The following CTNNA2 variants were observed in gnomAD, a reference collection of about 807,000 sequenced individuals.
The protein encoded by CTNNA2 is catenin alpha-2.
Under a neutral mutation model 101.0 loss-of-function variants are expected in CTNNA2, and 42 were observed. The observed-to-expected ratio is 0.42, with a 90% CI of 0.32 to 0.54. CTNNA2 has a LOEUF of 0.54. Among genes scored for constraint, CTNNA2 ranks in the 20% least tolerant of loss-of-function variants. CTNNA2 has a pLI of 0.14. For synonymous variants in CTNNA2, 450 were observed against 456.4 expected (o/e 0.99, Z 0.18); for missense variants, 871 against 1,223.1 (o/e 0.71, Z 4.29).
At chr2:79,468,081 A>G (rs1013199178) in intron 4 of CTNNA2, among the ~76,000 whole-genome samples, 1 of 152,170 alleles carries the variant, frequency 6.6e-6, no homozygotes, top group Non-Finnish European at 1.5e-5. Flanking sequence ...GACACAGACT[A>G]GCAAATTAGA....
At chr2:80,147,294 G>A (rs561727694) in intron 7 of CTNNA2, among the ~76,000 whole-genome samples, 1 of 151,986 alleles carries the variant, frequency 6.6e-6, no homozygotes, top group African/African-American at 2.4e-5. Context: ...TACAGTTGGG[G>A]TTTCACCATG....
At chr2:79,364,810 G>T (rs1465909657) in intron 3 of CTNNA2, among the ~76,000 whole-genome samples, 1 of 152,170 alleles carries the variant, frequency 6.6e-6, no homozygotes, top group Non-Finnish European at 1.5e-5. Context: ...GGGGTAAGGG[G>T]TAATTGTTTA....
chr2:80,419,597 T>C lies in CTNNA2; in HGVS notation c.1286T>C (p.Val429Ala). ...QVFREHANKL[V>A]EVANLACSIS... is the part of the protein sequence containing the mutation. ...TTCCGTGAGCATGCCAACAAACTGGTAGAGGTAAGTGTGGAGGGGCCTGAA... is the reference window on the plus strand; with the variant it reads ...TTCCGTGAGCATGCCAACAAACTGGCAGAGGTAAGTGTGGAGGGGCCTGAA... Residue 429 changes from valine to alanine, a missense_variant, in exon 9 of 19, where the codon GTA (valine) becomes GCA (alanine). Transcript: ENST00000402739. The C allele has an allele frequency of 6.2e-7, 1 of 1,613,440 alleles. No homozygotes were observed. Among genetic ancestry groups the C allele is most frequent in the Non-Finnish European group, 8.5e-7 (1 of 1,179,636 alleles).
At chr2:79,662,079 A>C (rs1490479545) in intron 2 of CTNNA2, among the ~76,000 whole-genome samples, 1 of 151,608 alleles carries the variant, frequency 6.6e-6, no homozygotes, top group Non-Finnish European at 1.5e-5. Flanking sequence ...AACAAGCAGA[A>C]GATGGAACAG....
chr2:79,329,013 T>C (rs936945947), intron 3 of CTNNA2, among the ~76,000 whole-genome samples: 4 of 152,184 alleles, frequency 2.6e-5, no homozygotes, highest in African/African-American at 9.7e-5. Context: ...GTCCAAACTT[T>C]CTCTACTTAT....
chr2:79,661,016 ACT>A (rs1681997766), intron 2 of CTNNA2, among the ~76,000 whole-genome samples: 1 of 152,170 alleles, frequency 6.6e-6, no homozygotes, highest in Non-Finnish European at 1.5e-5. Context: ...AAATTAAATC[ACT>A]GTGTATGATG....
intron 2 of CTNNA2, among the ~76,000 whole-genome samples, chr2:79,679,203 T>C (rs1235556477): frequency 6.6e-6 from 1 of 152,232 alleles, no homozygotes; most frequent in East Asian, 1.9e-4. Context: ...ATCTAAAATA[T>C]AGTTTAACTT....
intron 7 of CTNNA2, among the ~76,000 whole-genome samples, chr2:80,201,446 T>C (rs1707206080): frequency 7.1e-6 from 1 of 141,184 alleles, no homozygotes; most frequent in Non-Finnish European, 1.5e-5. Context: ...CAAACTCGGC[T>C]CACTGCAAGC....
intron 8 of CTNNA2, among the ~76,000 whole-genome samples, chr2:80,414,294 C>T (rs1161152247): frequency 6.6e-6 from 1 of 152,214 alleles, no homozygotes; most frequent in African/African-American, 2.4e-5. Context: ...AGCATTGTAG[C>T]ATACTTGCCA....
chr2:79,957,043 A>C (rs1185053298), intron 7 of CTNNA2, among the ~76,000 whole-genome samples: 2 of 151,998 alleles, frequency 1.3e-5, no homozygotes, highest in East Asian at 3.9e-4. Context: ...ACATCCCCAG[A>C]TCCTCTTCTG....
chr2:79,338,578 ATCTTCTTCTTCTTCTTCTTCTTCT>A (rs70940029), intron 3 of CTNNA2, among the ~76,000 whole-genome samples: 3 of 117,740 alleles, frequency 2.5e-5, no homozygotes, highest in African/African-American at 6.7e-5. Context: ...CCTCCTCATC[ATCTTCTTCTTCTTCTTCTTCTTCT>A]TCTTCTTCTT....
intron 2 of CTNNA2, among the ~76,000 whole-genome samples, chr2:79,716,057 T>C (rs1573769997): frequency 6.6e-6 from 1 of 151,806 alleles, no homozygotes; most frequent in South Asian, 2.1e-4. Flanking sequence ...GACAATATCT[T>C]CCCCCTGTTA....
intron 7 of CTNNA2, among the ~76,000 whole-genome samples, chr2:80,004,815 G>A (rs1693218047): frequency 6.6e-6 from 1 of 151,890 alleles, no homozygotes; most frequent in African/African-American, 2.4e-5. Flanking sequence ...CAATTCTCCT[G>A]CTTCAGCCTC....
rs772936089 is a variant in CTNNA2 at position 80,555,824 on chromosome 2, A to G, written c.1672A>G (p.Met558Val). 1 of 1,595,726 alleles carries G rather than the reference A, an allele frequency of 6.3e-7. No homozygotes were observed. The highest frequency in any genetic ancestry group is 1.2e-5 in the South Asian group (1 of 86,210). ...ARVIHIINAE[M>V]ENYEAGVYTE... ...AGTCATACACATCATCAATGCTGAG[A>G]TGGAGAACTATGAAGCTGGGGTTTA... Residue 558 changes from methionine (M) to valine (V), a missense_variant, in exon 12 of 19, where the codon ATG (methionine) becomes GTG (valine). By Grantham distance (21) the Met-to-Val change is conservative (BLOSUM62 1). Around this residue, in one of 5 missense-constraint regions of CTNNA2, gnomAD observed 647 missense variants for 831.5 expected, o/e 0.78. Transcript: ENST00000402739.
intron 4 of CTNNA2, among the ~76,000 whole-genome samples, chr2:79,471,770 G>A (rs569327650): frequency 5.9e-5 from 9 of 152,136 alleles, no homozygotes; most frequent in South Asian, 4.1e-4. Flanking sequence ...CCCAGGAGGC[G>A]GAGCTTGCAG....
chr2:79,418,626 C>T (rs182949887), intron 4 of CTNNA2, among the ~76,000 whole-genome samples: 34 of 152,236 alleles, frequency 2.2e-4, no homozygotes, highest in Admixed American at 2.2e-3. Flanking sequence ...CTTAGACTCT[C>T]AGCATCAGTA....
At chr2:79,248,570 G>T (rs1674727714) in intron 2 of CTNNA2, among the ~76,000 whole-genome samples, 1 of 152,098 alleles carries the variant, frequency 6.6e-6, no homozygotes, top group Admixed American at 6.6e-5. Flanking sequence ...CCTAGAAGAG[G>T]TTTGGTAGTG....
Position 79,874,246 on chromosome 2 carries a change from C to T in CTNNA2, c.756C>T (p.Ala252=), listed in dbSNP as rs76801084. 19,882 of 1,614,086 alleles carry T rather than the reference C, an allele frequency of 0.012. 959 individuals are homozygous for T. In the East Asian group the frequency reaches 0.18, roughly 15 times the overall value. The change falls in exon 6 of 19, where the codon GCC becomes GCT. Residue 252 remains alanine, a synonymous_variant. Coordinates refer to ENST00000402739, the MANE Select transcript of CTNNA2 (RefSeq NM_001282597.3). The stretch of plus-strand genomic sequence containing the variant: ...TCAAACAAGTCCAGGAGGCCATCGC[C>T]GGCATCTCCAATGCTGCTCAAGCTA... ...YVFKQVQEAI[A]GISNAAQATS...
chr2:79,334,697 G>T (rs1386108297), intron 3 of CTNNA2, among the ~76,000 whole-genome samples: 2 of 152,054 alleles, frequency 1.3e-5, no homozygotes, highest in African/African-American at 4.8e-5. Flanking sequence ...TAGAGAGGGC[G>T]ATTCTTTGAC....
Sources: allele counts gnomAD v4.1 joint callset (sites outside exome capture counted in the v4.1 genomes callset), GRCh38; gene constraint gnomAD v4.1.1; regional missense constraint gnomAD v4.1.1; transcripts MANE v1.5; gene names NCBI Gene and HGNC (gene_info 2026-07-23, HGNC 2026-07-21).